CYP3A43: variants seen among roughly 807,000 people sequenced by gnomAD.
The protein encoded by CYP3A43 is cytochrome P450 3A43.
CYP3A43 carries 45 observed loss-of-function variants against 58.0 expected under a neutral mutation model. That is an observed-to-expected ratio of 0.78 (90% CI 0.61 to 0.99). CYP3A43 has a LOEUF of 0.99. Among genes scored for constraint, CYP3A43 ranks in the 50% least tolerant of loss-of-function variants. The probability of loss-of-function intolerance (pLI) is 0.00; values close to 1 mark genes in which losing one functional copy is unlikely to be tolerated. For missense variants in CYP3A43, 593 were observed against 591.9 expected (o/e 1.00, Z -0.02); for synonymous variants, 191 against 201.4 (o/e 0.95, Z 0.44).
Position 99,841,763 on chromosome 7 carries a change from T to C in CYP3A43, c.219-2380T>C, listed in dbSNP as rs190919647. On this transcript the variant is annotated intron_variant, in intron 3 of 12. Coordinates refer to ENST00000354829, the MANE Select transcript of CYP3A43 (RefSeq NM_057095.3). ...CCAGGTTGGTGCAGTGGCACCATCT[T>C]GGCTCACTGTAGCCTCTGCCTCCCA... 2.5e-3 allele frequency among the ~76,000 whole-genome samples: 385 copies of C among 152,294 alleles called. 2 individuals are homozygous for C. The highest frequency in any genetic ancestry group is 7.6e-3 in the African/African-American group (314 of 41,560).
At chr7:99,850,449 A>G (rs1308982822) in intron 7 of CYP3A43, among the ~76,000 whole-genome samples, 2 of 151,780 alleles carry the variant, frequency 1.3e-5, no homozygotes, top group Non-Finnish European at 2.9e-5. Context: ...TTTAGTAGAG[A>G]CGGGGTTTCT....
chr7:99,844,263 G>A (rs773210923), intron 4 of CYP3A43, 21 bp downstream of exon 4: 7 of 1,602,956 alleles, frequency 4.4e-6, no homozygotes, highest in Non-Finnish European at 4.3e-6. Context: ...ATTTTCAAAT[G>A]TATTAATCAA....
At chr7:99,840,621 C>G (rs1563061942) in intron 3 of CYP3A43, among the ~76,000 whole-genome samples, 1 of 152,162 alleles carries the variant, frequency 6.6e-6, no homozygotes, top group Non-Finnish European at 1.5e-5. Flanking sequence ...GCCACACTGC[C>G]TACTCTTTCC....
intron 7 of CYP3A43, among the ~76,000 whole-genome samples, chr7:99,855,211 G>A (rs1399912037): frequency 6.6e-6 from 1 of 152,140 alleles, no homozygotes; most frequent in Non-Finnish European, 1.5e-5. Flanking sequence ...TTGCCGTATT[G>A]TTTCTATCCT....
chr7:99,848,996 T>A (rs570733785), intron 6 of CYP3A43, among the ~76,000 whole-genome samples: 1 of 152,254 alleles, frequency 6.6e-6, no homozygotes, highest in Admixed American at 6.5e-5. Context: ...CAGAGCAACC[T>A]CAGATCCCAG....
chr7:99,829,962 A>G (rs971427194), intron 1 of CYP3A43, among the ~76,000 whole-genome samples: 1 of 152,196 alleles, frequency 6.6e-6, no homozygotes, highest in African/African-American at 2.4e-5. Context: ...AGGGAAGTTT[A>G]TGACAGGGGA....
chr7:99,838,294 T>A (rs561179688), intron 2 of CYP3A43, among the ~76,000 whole-genome samples: 2 of 152,368 alleles, frequency 1.3e-5, no homozygotes, highest in East Asian at 1.9e-4. Flanking sequence ...TGCCTTGGAC[T>A]TTTATTTAAA....
rs1010926012 is a variant in CYP3A43 at position 99,860,061 on chromosome 7, C to G, written c.1026+71C>G. The G allele has an allele frequency of 1.1e-5, 16 of 1,515,044 alleles. No individual in the cohort carries two copies. In the African/African-American group the frequency reaches 2.2e-4, roughly 21 times the overall value. The allele number at this position is 1,515,044 out of a possible 1,614,324, so 93.9% of individuals were successfully genotyped here. A position where few individuals can be genotyped will look rare whatever the true frequency, so the allele number is the denominator to read the frequency against. ...AGCAAGAATGCCTCCTCACCACTTG[C>G]CAGGACAATTTTTGCAAAAAGCGTA... On this transcript the variant is annotated intron_variant, in intron 10 of 12. Transcript: ENST00000354829.
intron 4 of CYP3A43, among the ~76,000 whole-genome samples, chr7:99,845,763 T>C (rs1817520937): frequency 6.6e-6 from 1 of 150,542 alleles, no homozygotes; most frequent in Admixed American, 6.6e-5. Context: ...TTATTTATTG[T>C]TTTAGTTCTT....
chr7:99,830,621 A>C lies in CYP3A43; in HGVS notation c.71+2435A>C, dbSNP rs567704484. Among the ~76,000 whole-genome samples, 4 of 152,250 alleles carry C rather than the reference A, an allele frequency of 2.6e-5. 1 individual carries two copies. The highest frequency in any genetic ancestry group is 2.9e-5 in the Non-Finnish European group (2 of 68,054). On this transcript the variant is annotated intron_variant, in intron 1 of 12. Coordinates refer to ENST00000354829, the MANE Select transcript of CYP3A43 (RefSeq NM_057095.3). ...ACTGATGCCTGACAGACATTATAAT[A>C]AGATGACTTTTGTTTATCATGCTTT...
chr7:99,862,385 A>C (rs1818272220), intron 11 of CYP3A43, among the ~76,000 whole-genome samples: 1 of 152,192 alleles, frequency 6.6e-6, no homozygotes, highest in Non-Finnish European at 1.5e-5. Context: ...ATCCTGAGAC[A>C]TCCTCATCCC....
chr7:99,839,310 T>A, intron 3 of CYP3A43, 138 bp downstream of exon 3: 1 of 1,044,884 alleles, frequency 9.6e-7, no homozygotes, highest in Non-Finnish European at 1.5e-6. Context: ...AGAGGCTATC[T>A]AAAAGAAAAA....
chr7:99,837,115 C>T (rs1332184256), intron 2 of CYP3A43, among the ~76,000 whole-genome samples: 1 of 145,052 alleles, frequency 6.9e-6, no homozygotes, highest in Admixed American at 7.0e-5. Flanking sequence ...ACCATCCTGG[C>T]TAACACGGTG....
At chr7:99,851,850 A>T (rs1019947402) in intron 7 of CYP3A43, among the ~76,000 whole-genome samples, 1 of 152,160 alleles carries the variant, frequency 6.6e-6, no homozygotes, top group African/African-American at 2.4e-5. Context: ...CTTATCCTGT[A>T]GGTATCAAAT....
chr7:99,835,149 T>C (rs889788903), intron 1 of CYP3A43, among the ~76,000 whole-genome samples: 1 of 152,222 alleles, frequency 6.6e-6, no homozygotes, highest in Non-Finnish European at 1.5e-5. Flanking sequence ...CAACTCTTAA[T>C]AGTGCTGTCT....
In CYP3A43 at chr7:99,861,769, A is replaced by G. The variant is rs1254052113; in HGVS notation, c.1183A>G (p.Met395Val). 2 of 1,614,162 alleles carry G rather than the reference A, an allele frequency of 1.2e-6. No individual in the cohort carries two copies. Among genetic ancestry groups the G allele is most frequent in the Non-Finnish European group, 1.7e-6 (2 of 1,180,010 alleles). ...GVFIPKGLAV[M>V]VPIYALHHDP... Reference sequence around the variant, plus strand: ...GTTCATTCCCAAAGGGTTAGCAGTGATGGTTCCAATCTATGCTCTTCACCA... The same window carrying G: ...GTTCATTCCCAAAGGGTTAGCAGTGGTGGTTCCAATCTATGCTCTTCACCA... Residue 395 changes from methionine to valine, a missense_variant, in exon 11 of 13, where the codon ATG becomes GTG. Transcript: ENST00000354829.
At chr7:99,850,987 C>T (rs181406154) in intron 7 of CYP3A43, among the ~76,000 whole-genome samples, 57 of 152,098 alleles carry the variant, frequency 3.7e-4, no homozygotes, top group African/African-American at 1.3e-3. Context: ...GCCAACTTGG[C>T]GAAACCCTGT....
intron 1 of CYP3A43, among the ~76,000 whole-genome samples, chr7:99,832,768 C>G: frequency 6.6e-6 from 1 of 152,118 alleles, no homozygotes; most frequent in East Asian, 1.9e-4. Flanking sequence ...CTGTCTTTCT[C>G]TCTCTCCTGC....
chr7:99,861,932 G>C (rs899802722), intron 11 of CYP3A43, 93 bp downstream of exon 11: 1 of 1,139,704 alleles, frequency 8.8e-7, no homozygotes, highest in African/African-American at 1.5e-5. Context: ...ATTTGAATAT[G>C]TGCCTTTTCA....
Sources: gnomAD v4.1 joint callset for allele counts (sites outside exome capture counted in the v4.1 genomes callset) on GRCh38, gnomAD v4.1.1 for gene constraint, MANE v1.5 for transcripts, NCBI Gene and HGNC (gene_info 2026-07-23, HGNC 2026-07-21) for gene names.